The following RAD51C variants were observed in gnomAD, a reference collection of about 807,000 sequenced individuals.
The protein encoded by RAD51C is RAD51 paralog C, also known as DNA repair protein RAD51 homolog 3.
In RAD51C, 42 loss-of-function variants were observed where a neutral mutation model predicts 45.0. That is an observed-to-expected ratio of 0.93 (90% CI 0.73 to 1.21). The LOEUF (loss-of-function observed/expected upper bound fraction) is 1.21. RAD51C is among the 50% of genes most tolerant of loss of function. The pLI is 0.00. For missense variants in RAD51C, 474 were observed against 452.2 expected (o/e 1.05, Z -0.44); for synonymous variants, 172 against 159.8 (o/e 1.08, Z -0.58).
intron 3 of RAD51C, among the ~76,000 whole-genome samples, chr17:58,701,802 T>C (rs2048220532): frequency 6.6e-6 from 1 of 151,640 alleles, no homozygotes; most frequent in African/African-American, 2.4e-5. Context: ...ACTCCTGACC[T>C]AGTGATCCAC....
intron 4 of RAD51C, among the ~76,000 whole-genome samples, chr17:58,704,180 C>G (rs930009168): frequency 3.9e-5 from 6 of 152,032 alleles, no homozygotes; most frequent in Non-Finnish European, 7.4e-5. Context: ...GAGAGATTCT[C>G]TCACATTTGA....
intron 3 of RAD51C, among the ~76,000 whole-genome samples, chr17:58,701,322 C>A (rs1434491970): frequency 1.3e-5 from 2 of 151,762 alleles, no homozygotes; most frequent in African/African-American, 4.8e-5. Flanking sequence ...TCCTTGCTAA[C>A]ATGGTGAAAC....
chr17:58,720,122 T>TC (rs1347016220), intron 5 of RAD51C, among the ~76,000 whole-genome samples: 1 of 151,018 alleles, frequency 6.6e-6, no homozygotes, highest in Non-Finnish European at 1.5e-5. Flanking sequence ...TTCATATTAC[T>TC]AAAATCACAG....
At chr17:58,699,156 G>A (rs1428384656) in intron 3 of RAD51C, among the ~76,000 whole-genome samples, 2 of 151,616 alleles carry the variant, frequency 1.3e-5, no homozygotes, top group African/African-American at 4.8e-5. Flanking sequence ...ACGGGCATGT[G>A]CCACAATGCC....
Position 58,696,808 on chromosome 17 carries a change from A to G in RAD51C, c.520A>G (p.Thr174Ala), listed in dbSNP as rs864622278. 6.2e-7 allele frequency: 1 copy of G among 1,614,200 alleles called. No individual in the cohort carries two copies. The highest frequency in any genetic ancestry group is 8.5e-7 in the Non-Finnish European group (1 of 1,180,030). Residue 174 changes from threonine (T) to alanine (A), a missense_variant, in exon 3 of 9, where the codon ACT becomes GCT. Transcript: ENST00000337432. ...FMVDRVVDLATACIQHLQLIA... is the reference protein window; with the variant it reads ...FMVDRVVDLAAACIQHLQLIA... The stretch of plus-strand genomic sequence containing the variant: ...GGTTGATAGAGTGGTAGACCTTGCT[A>G]CTGCCTGCATTCAGCACCTTCAGCT...
At chr17:58,695,942 C>G (rs1206039491) in intron 2 of RAD51C, among the ~76,000 whole-genome samples, 1 of 151,802 alleles carries the variant, frequency 6.6e-6, no homozygotes, top group South Asian at 2.1e-4. Context: ...TGGTTCACGC[C>G]TATAGTCTCA....
chr17:58,692,721 G>A lies in RAD51C; in HGVS notation c.78G>A (p.Lys26=), dbSNP rs864622460. ...SFPLSPAVRV[K]LVSAGFQTAE... Reference sequence around the variant, plus strand: ...CGCTGTCTCCAGCGGTGCGGGTGAAGCTGGTGTCTGCGGGGTTCCAGACTG... The same window carrying A: ...CGCTGTCTCCAGCGGTGCGGGTGAAACTGGTGTCTGCGGGGTTCCAGACTG... The change falls in exon 1 of 9, where the codon AAG becomes AAA. Residue 26 remains lysine, a synonymous_variant. Coordinates refer to ENST00000337432, the MANE Select transcript of RAD51C (RefSeq NM_058216.3). 2 of 1,614,142 alleles carry A rather than the reference G, an allele frequency of 1.2e-6. No homozygotes were observed. Among genetic ancestry groups the A allele is most frequent in the African/African-American group, 2.7e-5 (2 of 74,960 alleles).
At chr17:58,697,550 A>AC (rs2048061113) in intron 3 of RAD51C, among the ~76,000 whole-genome samples, 2 of 133,996 alleles carry the variant, frequency 1.5e-5, no homozygotes, top group Admixed American at 7.4e-5. Context: ...TAAAAAAAAA[A>AC]AAAAAAACCA....
chr17:58,694,543 C>T lies in RAD51C; in HGVS notation c.146-388C>T, dbSNP rs1044950497. 3 of 220,202 alleles carry T rather than the reference C, an allele frequency of 1.4e-5. No homozygotes were observed. The Admixed American group carries it at 1.6e-4, about 12-fold the overall frequency. 13.6% of individuals were successfully genotyped at this position (220,202 alleles called of 1,614,324 possible). A position where few individuals can be genotyped will look rare whatever the true frequency, so the allele number is the denominator to read the frequency against. On this transcript the variant is annotated intron_variant, in intron 1 of 8. Transcript: ENST00000337432. ...TCATCCAGGCTGGAATGCAGTGGTG[C>T]GATCCAGGCTGGAGTGCAGTGGTGC... is the stretch of plus-strand genomic sequence containing the variant.
At chr17:58,715,066 C>G (rs1452356642) in intron 5 of RAD51C, among the ~76,000 whole-genome samples, 1 of 151,482 alleles carries the variant, frequency 6.6e-6, no homozygotes, top group Non-Finnish European at 1.5e-5. Context: ...TTGCGGTCAA[C>G]TATAACTTTG....
chr17:58,721,694 G>A (rs1266855145), intron 6 of RAD51C, among the ~76,000 whole-genome samples: 1 of 152,010 alleles, frequency 6.6e-6, no homozygotes, highest in Admixed American at 6.6e-5. Flanking sequence ...GGGGGGCAGA[G>A]GTTGCAGTAA....
chr17:58,705,213 A>G (rs1004805911), intron 4 of RAD51C, among the ~76,000 whole-genome samples: 1 of 152,082 alleles, frequency 6.6e-6, no homozygotes, highest in Non-Finnish European at 1.5e-5. Flanking sequence ...TCAAGATCAA[A>G]GTTCTAGCTG....
At chr17:58,708,033 G>A (rs1381965728) in intron 4 of RAD51C, among the ~76,000 whole-genome samples, 1 of 152,084 alleles carries the variant, frequency 6.6e-6, no homozygotes, top group Non-Finnish European at 1.5e-5. Context: ...AGTCACACTG[G>A]GAGATAGGGC....
intron 5 of RAD51C, among the ~76,000 whole-genome samples, chr17:58,717,079 G>T (rs1161166551): frequency 1.3e-5 from 2 of 151,798 alleles, no homozygotes; most frequent in African/African-American, 4.8e-5. Flanking sequence ...GATTACAGTC[G>T]TGAGCCACCG....
chr17:58,703,707 C>A (rs1172640417), intron 4 of RAD51C, among the ~76,000 whole-genome samples: 1 of 151,904 alleles, frequency 6.6e-6, no homozygotes, highest in East Asian at 1.9e-4. Context: ...ACTTGTAATC[C>A]CAGCACTTAG....
In RAD51C at chr17:58,735,196, C is replaced by A. The variant is rs752371685; in HGVS notation, c.*974C>A. ...ATAAGCTCACAATCATTTATTGCTACGTTTTTGTTTTTGTTTTGAGACAAG... is the reference window on the plus strand; with the variant it reads ...ATAAGCTCACAATCATTTATTGCTAAGTTTTTGTTTTTGTTTTGAGACAAG... On this transcript the variant is annotated 3_prime_UTR_variant, in exon 9 of 9. Transcript: ENST00000337432. 6.6e-6 allele frequency: 1 copy of A among 152,052 alleles called. No homozygotes were observed. The highest frequency in any genetic ancestry group is 1.5e-5 in the Non-Finnish European group (1 of 68,040). 9.4% of individuals were successfully genotyped at this position (152,052 alleles called of 1,614,324 possible). A position where few individuals can be genotyped will look rare whatever the true frequency, so the allele number is the denominator to read the frequency against.
Position 58,724,010 on chromosome 17 carries a change from A to G in RAD51C, c.905-30A>G, listed in dbSNP as rs756631535. 1.6e-5 allele frequency: 25 copies of G among 1,570,430 alleles called. No homozygotes were observed. In the South Asian group the frequency reaches 2.8e-4, roughly 17 times the overall value. On this transcript the variant is annotated intron_variant, in intron 6 of 8. Transcript: ENST00000337432. ...AATGTATAACCAAGTCAGTAAGGCC[A>G]TATACAGTTATTATGTTTTTTACTC... is the stretch of plus-strand genomic sequence containing the variant.
At chr17:58,714,929 C>T (rs2048679226) in intron 5 of RAD51C, among the ~76,000 whole-genome samples, 1 of 152,008 alleles carries the variant, frequency 6.6e-6, no homozygotes, top group East Asian at 1.9e-4. Context: ...TTGCAAACAT[C>T]ACCACTGTAT....
intron 2 of RAD51C, 119 bp downstream of exon 2, chr17:58,695,308 A>C (rs1379085912): frequency 7.0e-7 from 1 of 1,434,532 alleles, no homozygotes; most frequent in Non-Finnish European, 9.1e-7. Context: ...TTAAGTGTGT[A>C]TGTGCATTAA....
Sources: gnomAD v4.1 joint callset for allele counts (sites outside exome capture counted in the v4.1 genomes callset) on GRCh38, gnomAD v4.1.1 for gene constraint, MANE v1.5 for transcripts, NCBI Gene and HGNC (gene_info 2026-07-23, HGNC 2026-07-21) for gene names.